Variants in BCAR3 observed in about 807,000 individuals in gnomAD.
BCAR3 encodes the protein BCAR3 adaptor protein, NSP family member, also known as breast cancer anti-estrogen resistance protein 3.
Under a neutral mutation model 80.1 loss-of-function variants are expected in BCAR3, and 37 were observed. The ratio of observed to expected loss-of-function variants is 0.46; its 90% CI spans 0.36 to 0.61. The LOEUF is 0.61. Among genes scored for constraint, BCAR3 ranks in the 20% least tolerant of loss-of-function variants. The pLI is 0.00. For synonymous variants in BCAR3, 389 were observed against 418.9 expected (o/e 0.93, Z 0.87); for missense variants, 978 against 1,068.2 (o/e 0.92, Z 1.18).
chr1:93,565,705 C>T (rs1198755572), intron 11 of BCAR3, among the ~76,000 whole-genome samples: 1 of 152,130 alleles, frequency 6.6e-6, no homozygotes, highest in Non-Finnish European at 1.5e-5. Context: ...AACATACAGC[C>T]AATCCTGGAG....
At chr1:93,708,837 C>T (rs1481044744) in intron 2 of BCAR3, among the ~76,000 whole-genome samples, 1 of 152,206 alleles carries the variant, frequency 6.6e-6, no homozygotes, top group African/African-American at 2.4e-5. Context: ...CCCGCCAGGG[C>T]TGTGCCAAGG....
chr1:93,703,566 T>TAAAA (rs1439567076), intron 3 of BCAR3, among the ~76,000 whole-genome samples: 908 of 45,504 alleles, frequency 0.02, 14 homozygotes, highest in African/African-American at 0.03. Context: ...CCCTGTCTCT[T>TAAAA]AAAAAGAAAA....
intron 2 of BCAR3, among the ~76,000 whole-genome samples, chr1:93,649,899 CA>C (rs760817374): frequency 9.3e-4 from 140 of 150,386 alleles, no homozygotes; most frequent in African/African-American, 3.2e-3. Flanking sequence ...TACCCGCAAC[CA>C]AAAAAAAGCC....
At chr1:93,743,768 T>C (rs921317350) in intron 2 of BCAR3, among the ~76,000 whole-genome samples, 4 of 152,356 alleles carry the variant, frequency 2.6e-5, no homozygotes, top group East Asian at 1.9e-4. Flanking sequence ...TTGTCTATAA[T>C]GTAAATAGGT....
intron 2 of BCAR3, among the ~76,000 whole-genome samples, chr1:93,760,608 TAA>T (rs11365595): frequency 2.0e-5 from 3 of 149,298 alleles, no homozygotes. Context: ...TAAATTAGCT[TAA>T]AAAAAAAAAG....
At position 93,586,026 on chromosome 1, in the gene BCAR3, T is replaced by A. The variant is rs2101838259; in HGVS notation, c.930-1905A>T. Among the ~76,000 whole-genome samples, 1 of 152,364 alleles carries A rather than the reference T, an allele frequency of 6.6e-6. No homozygotes were observed. Among genetic ancestry groups the A allele is most frequent in the Middle Eastern group, 3.4e-3 (1 of 294 alleles). ...TGTATCATGGAGAATGGGGTATCCA[T>A]GCCCTCTAGCATTTATCCTTTGAGT... On this transcript the variant is annotated intron_variant, in intron 5 of 11. Transcript: ENST00000260502. This position sits in a 1 kb window ranked among gnomAD's most constrained non-coding sequence, Gnocchi z 4.2.
At position 93,562,284 on chromosome 1, in the gene BCAR3, G is replaced by T; in HGVS notation, c.2435C>A (p.Ser812Ter). ...EKFNQILTAL[S>*]RKLEPPPVKQ... ...TACAGGAGGAGGTTCCAATTTACGC[G>T]AGAGGGCAGTTAAAATCTGGTTGAA... Residue 812 changes from serine (S) to a stop codon, truncating the protein, a stop_gained, in exon 12 of 12, where the codon TCG becomes TAG. Transcript: ENST00000260502. LOFTEE classifies it high-confidence loss of function. 1.2e-6 allele frequency: 2 copies of T among 1,614,042 alleles called. No individual in the cohort carries two copies. The highest frequency in any genetic ancestry group is 1.1e-5 in the South Asian group (1 of 91,056).
At chr1:93,594,105 G>A (rs1388704144) in intron 3 of BCAR3, among the ~76,000 whole-genome samples, 1 of 152,198 alleles carries the variant, frequency 6.6e-6, no homozygotes, top group Admixed American at 6.5e-5. Flanking sequence ...TTTATTGTTC[G>A]TTTATTGTCT....
intron 4 of BCAR3, among the ~76,000 whole-genome samples, chr1:93,591,442 T>C (rs1674184017): frequency 6.6e-6 from 1 of 152,056 alleles, no homozygotes; most frequent in Non-Finnish European, 1.5e-5. Flanking sequence ...GCTATTGCAC[T>C]CCAGCCTGGG....
chr1:93,627,423 T>C (rs558199261), intron 3 of BCAR3, among the ~76,000 whole-genome samples: 2 of 152,206 alleles, frequency 1.3e-5, no homozygotes, highest in Non-Finnish European at 2.9e-5. Context: ...CCAACAACTA[T>C]AATGATCTGA....
chr1:93,711,965 C>T (rs1424676999), intron 2 of BCAR3, among the ~76,000 whole-genome samples: 9 of 152,162 alleles, frequency 5.9e-5, no homozygotes. Context: ...AGCTTAGGGG[C>T]TTCCACAGCT....
At chr1:93,777,366 TTCTTCTTCC>T (rs1426408437) in intron 2 of BCAR3, among the ~76,000 whole-genome samples, 5 of 145,422 alleles carry the variant, frequency 3.4e-5, no homozygotes, top group East Asian at 2.1e-4. Context: ...CCTCCTCTTC[TTCTTCTTCC>T]TCCTCTTCTT....
intron 3 of BCAR3, among the ~76,000 whole-genome samples, chr1:93,692,726 T>C (rs1649239642): frequency 6.6e-6 from 1 of 152,182 alleles, no homozygotes; most frequent in Non-Finnish European, 1.5e-5. Flanking sequence ...GTGTGAACCC[T>C]TGTTCCTCAG....
At chr1:93,653,375 A>G (rs1647211946) in intron 2 of BCAR3, among the ~76,000 whole-genome samples, 1 of 152,214 alleles carries the variant, frequency 6.6e-6, no homozygotes, top group Non-Finnish European at 1.5e-5. Context: ...CAATCTGTAG[A>G]GGTGGCACAC....
At chr1:93,669,059 G>C (rs918786885) in intron 2 of BCAR3, among the ~76,000 whole-genome samples, 1 of 151,958 alleles carries the variant, frequency 6.6e-6, no homozygotes, top group Non-Finnish European at 1.5e-5. Flanking sequence ...TCTCCAAAAA[G>C]TACACAAAAA....
chr1:93,781,621 G>A (rs761144863), intron 2 of BCAR3, among the ~76,000 whole-genome samples: 16 of 152,114 alleles, frequency 1.1e-4, no homozygotes, highest in Admixed American at 6.6e-4. Context: ...GCCTGAGGTC[G>A]CACAACTAGT....
At chr1:93,741,251 T>C (rs1428245307) in intron 2 of BCAR3, among the ~76,000 whole-genome samples, 2 of 152,182 alleles carry the variant, frequency 1.3e-5, no homozygotes, top group African/African-American at 4.8e-5. Flanking sequence ...GGCTTGCAAC[T>C]TGGGGAAAAC....
intron 2 of BCAR3, among the ~76,000 whole-genome samples, chr1:93,664,344 C>G (rs1647799258): frequency 6.6e-6 from 1 of 152,216 alleles, no homozygotes; most frequent in Non-Finnish European, 1.5e-5. Context: ...GTCTCGAACT[C>G]CTGACCTCAG....
intron 2 of BCAR3, among the ~76,000 whole-genome samples, chr1:93,842,372 G>A (rs1442175920): frequency 1.3e-5 from 2 of 151,846 alleles, no homozygotes; most frequent in Admixed American, 6.6e-5. Context: ...GGCTGGTCTC[G>A]ACCTCCTGAG....
Sources: gnomAD v4.1 joint callset for allele counts (sites outside exome capture counted in the v4.1 genomes callset) on GRCh38, gnomAD v4.1.1 for gene constraint, Gnocchi (gnomAD v3.1) non-coding constraint, MANE v1.5 for transcripts, NCBI Gene and HGNC (gene_info 2026-07-23, HGNC 2026-07-21) for gene names.